Variants in COL4A6 observed in about 807,000 individuals in gnomAD.
COL4A6 encodes the protein collagen type IV alpha 6 chain, also known as collagen alpha-6(IV) chain.
Under a neutral mutation model 126.7 loss-of-function variants are expected in COL4A6, and 59 were observed. The observed-to-expected ratio is 0.47, with a 90% CI of 0.38 to 0.58. COL4A6 has a LOEUF of 0.58. Ranked by LOEUF, COL4A6 falls within the 20% of genes least tolerant of loss-of-function variation. The probability of loss-of-function intolerance (pLI) is 0.00; values close to 1 mark genes in which losing one functional copy is unlikely to be tolerated. For synonymous variants in COL4A6, 547 were observed against 496.6 expected, an observed-to-expected ratio of 1.10 and a Z score of -1.35; for missense variants, 1,285 against 1,337.3, an observed-to-expected ratio of 0.96 and a Z score of 0.61.
intron 2 of COL4A6, among the ~76,000 whole-genome samples, chrX:108,422,210 T>C (rs769743181): frequency 9.1e-6 from 1 of 109,530 alleles, no homozygotes; most frequent in Non-Finnish European, 1.9e-5. Context: ...AAAAAATTTT[T>C]AAAAAATTAG....
At chrX:108,218,146 G>T (rs1186944924) in intron 5 of COL4A6, among the ~76,000 whole-genome samples, 2 of 112,234 alleles carry the variant, frequency 1.8e-5, no homozygotes, top group Non-Finnish European at 3.8e-5. Flanking sequence ...CTTCCTTCCA[G>T]CTCCCATTAA....
intron 44 of COL4A6, among the ~76,000 whole-genome samples, chrX:108,159,069 G>A (rs2033832153): frequency 9.0e-6 from 1 of 111,697 alleles, no homozygotes; most frequent in Admixed American, 9.4e-5. Flanking sequence ...GAGAAGAGGG[G>A]ACAGTGCCAT....
chrX:108,336,062 T>TTTACATTAAAAGTTCCTC (rs1283241901), intron 2 of COL4A6, among the ~76,000 whole-genome samples: 1 of 111,654 alleles, frequency 9.0e-6, no homozygotes, highest in African/African-American at 3.3e-5. Flanking sequence ...ATATGACAGA[T>TTTACATTAAAAGTTCCTC]TTACATTAAA....
intron 2 of COL4A6, among the ~76,000 whole-genome samples, chrX:108,408,405 C>G (rs2041254600): frequency 9.0e-6 from 1 of 111,322 alleles, no homozygotes; most frequent in Non-Finnish European, 1.9e-5. Context: ...TAGCTTTTAC[C>G]AGTCCACACA....
intron 2 of COL4A6, among the ~76,000 whole-genome samples, chrX:108,318,983 A>G (rs1190700574): frequency 8.9e-6 from 1 of 112,632 alleles, no homozygotes; most frequent in Admixed American, 9.3e-5. Context: ...TATTCTCTTT[A>G]GAAAGAACCA....
chrX:108,425,683 G>C (rs1421672869), intron 2 of COL4A6, among the ~76,000 whole-genome samples: 3 of 108,160 alleles, frequency 2.8e-5, no homozygotes, highest in African/African-American at 1.0e-4. Flanking sequence ...GCAGTGAGCC[G>C]AGATCGCACC....
At chrX:108,438,507 C>A (rs2064316791), upstream of COL4A6, 4 of 958,660 alleles carry the variant, frequency 4.2e-6, no homozygotes, top group South Asian at 9.8e-5. Flanking sequence ...CTTGGGCAGC[C>A]GGTAGTCTTT....
In COL4A6 at chrX:108,165,394, G is replaced by T; in HGVS notation, c.3784C>A (p.Arg1262=). 8.3e-7 allele frequency: 1 copy of T among 1,208,634 alleles called. No homozygotes were observed. The highest frequency in any genetic ancestry group is 1.1e-6 in the Non-Finnish European group (1 of 893,773). The part of the protein sequence containing the change: ...LIAGQPGDPG[R]PGLDGERGRP... Reference sequence around the variant, plus strand: ...CCTCGTTCTCCATCTAGGCCTGGTCGCCCGGGGTCACCAGGCTGTCCTGCT... The same window carrying T: ...CCTCGTTCTCCATCTAGGCCTGGTCTCCCGGGGTCACCAGGCTGTCCTGCT... Residue 1262 remains arginine, a synonymous_variant, in exon 38 of 45, where the codon CGA becomes AGA. Coordinates refer to ENST00000334504, the MANE Select transcript of COL4A6 (RefSeq NM_033641.4).
chrX:108,394,767 T>C (rs1460634168), intron 2 of COL4A6, among the ~76,000 whole-genome samples: 1 of 112,044 alleles, frequency 8.9e-6, no homozygotes, highest in Non-Finnish European at 1.9e-5. Flanking sequence ...ATCTTACAGA[T>C]GATAACAAAA....
In COL4A6 at chrX:108,310,916, G is replaced by T; in HGVS notation, c.64-88C>A. On this transcript the variant is annotated intron_variant, in intron 2 of 44. Coordinates refer to ENST00000334504, the MANE Select transcript of COL4A6 (RefSeq NM_033641.4). ...ACCTAACTCTTAGCTTCTTTACCAA[G>T]TAAATCTATTGCGGCTTAATGATCT... 4 of 695,155 alleles carry T rather than the reference G, an allele frequency of 5.8e-6. No individual in the cohort carries two copies. The South Asian group carries it at 7.7e-5, about 13-fold the overall frequency. The allele number at this position is 695,155 out of a possible 1,213,427, so 57.3% of individuals were successfully genotyped here. A position where few individuals can be genotyped will look rare whatever the true frequency, so the allele number is the denominator to read the frequency against.
At chrX:108,342,919 T>C (rs757203332) in intron 2 of COL4A6, among the ~76,000 whole-genome samples, 1 of 109,278 alleles carries the variant, frequency 9.2e-6, no homozygotes, top group African/African-American at 3.3e-5. Context: ...CTACTGGGGA[T>C]ACAGTGGAAA....
rs2034015143 is a variant in COL4A6, at chrX:108,163,101, A to G, written c.4070-63T>C. The G allele has an allele frequency of 6.7e-6, 7 of 1,050,742 alleles. No individual in the cohort carries two copies. The Admixed American group carries it at 2.1e-4, about 32-fold the overall frequency. The allele number at this position is 1,050,742 out of a possible 1,213,427, so 86.6% of individuals were successfully genotyped here. The stretch of plus-strand genomic sequence containing the variant: ...GGCAGAGGGAGGTGACGGGGGCCCC[A>G]GAAGCCTTCTTTACTAACTTGCAAT... On this transcript the variant is annotated intron_variant, in intron 40 of 44. Transcript: ENST00000334504.
chrX:108,325,009 A>G (rs2039118658), intron 2 of COL4A6, among the ~76,000 whole-genome samples: 1 of 112,516 alleles, frequency 8.9e-6, no homozygotes, highest in African/African-American at 3.2e-5. Context: ...TGCAGCATGA[A>G]CAAGACAGAC....
intron 2 of COL4A6, among the ~76,000 whole-genome samples, chrX:108,393,746 G>T (rs1309527978): frequency 8.9e-6 from 1 of 112,005 alleles, no homozygotes; most frequent in Non-Finnish European, 1.9e-5. Context: ...ACCTTTAAAA[G>T]TAATAAAAAG....
chrX:108,194,937 C>A, intron 15 of COL4A6, 145 bp downstream of exon 15: 1 of 502,991 alleles, frequency 2.0e-6, no homozygotes. Flanking sequence ...GAAAAGAGGA[C>A]AGTGGCTAAG....
chrX:108,356,883 C>G lies in COL4A6; in HGVS notation c.64-46055G>C, dbSNP rs374540413. On this transcript the variant is annotated intron_variant, in intron 2 of 44. Coordinates refer to ENST00000334504, the MANE Select transcript of COL4A6 (RefSeq NM_033641.4). ...TATTTATCTATTAGAATAATAAGAG[C>G]AGAAGAAGCACATTTCATCTGAAAA... Among the ~76,000 whole-genome samples, 6 of 107,144 alleles carry G rather than the reference C, an allele frequency of 5.6e-5. No homozygotes were observed. The East Asian group carries it at 1.2e-3, about 21-fold the overall frequency. The allele number at this position is 107,144 out of a possible 115,157, so 93.0% of individuals were successfully genotyped here.
intron 3 of COL4A6, chrX:108,267,528 T>C (rs767105659): frequency 2.7e-5 from 3 of 112,747 alleles, no homozygotes; most frequent in East Asian, 5.6e-4. Context: ...ACATAGAACA[T>C]TGACTATACA....
intron 2 of COL4A6, among the ~76,000 whole-genome samples, chrX:108,333,598 T>A (rs376941679): frequency 1.8e-5 from 2 of 111,511 alleles, no homozygotes; most frequent in East Asian, 2.8e-4. Context: ...AAAAAAGGCA[T>A]CCAAATTGGA....
intron 3 of COL4A6, among the ~76,000 whole-genome samples, chrX:108,255,185 C>CA (rs34052577): frequency 0.019 from 591 of 31,538 alleles, 37 homozygotes; most frequent in African/African-American, 0.056. Context: ...CCACAGGGGG[C>CA]AAAAAAAAAA....
Sources: allele counts gnomAD v4.1 joint callset (sites outside exome capture counted in the v4.1 genomes callset), GRCh38; gene constraint gnomAD v4.1.1; transcripts MANE v1.5; gene names NCBI Gene and HGNC (gene_info 2026-07-23, HGNC 2026-07-21).